The following PPP1R21 variants were observed in gnomAD, a reference collection of about 807,000 sequenced individuals.
PPP1R21 encodes the protein protein phosphatase 1 regulatory subunit 21, also known as KLRAQ motif containing 1.
Under a neutral mutation model 112.8 loss-of-function variants are expected in PPP1R21, and 85 were observed. The observed-to-expected ratio is 0.75, with a 90% confidence interval of 0.63 to 0.90. The LOEUF is 0.90. Among genes scored for constraint, PPP1R21 ranks in the 40% least tolerant of loss-of-function variants. PPP1R21 has a pLI of 0.00. For synonymous variants in PPP1R21, 381 were observed against 322.3 expected (o/e 1.18, Z -1.95); for missense variants, 1,199 against 901.5 (o/e 1.33, Z -4.23).
chr2:48,462,249 A>T (rs1303022875), intron 7 of PPP1R21, among the ~76,000 whole-genome samples: 2 of 152,210 alleles, frequency 1.3e-5, no homozygotes, highest in Admixed American at 6.5e-5. Flanking sequence ...ATATTTAAAG[A>T]TCATTTGCTG....
intron 16 of PPP1R21, among the ~76,000 whole-genome samples, chr2:48,497,397 C>T (rs1669894435): frequency 6.6e-6 from 1 of 152,190 alleles, no homozygotes; most frequent in Non-Finnish European, 1.5e-5. Context: ...AGAAGCCTTC[C>T]TCATGCCCAT....
At chr2:48,508,043 G>T (rs1478835694) in intron 19 of PPP1R21, among the ~76,000 whole-genome samples, 1 of 150,678 alleles carries the variant, frequency 6.6e-6, no homozygotes, top group African/African-American at 2.4e-5. Flanking sequence ...GGGATTACAG[G>T]CATGAGCTAC....
At chr2:48,481,013 C>G (rs2103894984) in intron 13 of PPP1R21, among the ~76,000 whole-genome samples, 1 of 152,188 alleles carries the variant, frequency 6.6e-6, no homozygotes, top group Middle Eastern at 3.4e-3. Context: ...TTCTGAGGTT[C>G]AGTTTCGCTT....
rs191989077 is a variant in PPP1R21 at position 48,477,705 on chromosome 2, G to C, written c.1226-2219G>C. On this transcript the variant is annotated intron_variant, in intron 12 of 21. Transcript: ENST00000294952. ...TTTCAAGATTGTTTTGGTTATTTGA[G>C]GTCCCTTGCAATCCCGTATGAATTT... Among the ~76,000 whole-genome samples, 500 of 150,156 alleles carry C rather than the reference G, an allele frequency of 3.3e-3. 2 individuals carry two copies. The highest frequency in any genetic ancestry group is 0.012 in the African/African-American group (486 of 40,860).
intron 1 of PPP1R21, among the ~76,000 whole-genome samples, chr2:48,447,192 T>G (rs1365468166): frequency 6.6e-6 from 1 of 152,158 alleles, no homozygotes; most frequent in Non-Finnish European, 1.5e-5. Flanking sequence ...CTATGGGCCG[T>G]AGGGAGTCAG....
intron 1 of PPP1R21, among the ~76,000 whole-genome samples, chr2:48,449,690 C>G (rs1370574028): frequency 1.3e-5 from 2 of 151,996 alleles, no homozygotes; most frequent in Admixed American, 6.5e-5. Context: ...TCTGTGTTCT[C>G]AGGAGACAGA....
At chr2:48,456,912 C>A (rs1478968809) in intron 3 of PPP1R21, among the ~76,000 whole-genome samples, 1 of 152,050 alleles carries the variant, frequency 6.6e-6, no homozygotes, top group Admixed American at 6.6e-5. Flanking sequence ...ATTAGCCCAG[C>A]ATGGTGGTAT....
At position 48,503,641 on chromosome 2, in the gene PPP1R21, T is replaced by C. The variant is rs189029225; in HGVS notation, c.1936-1923T>C. ...ATCATATGAGAAAATGTTAAAGTAA[T>C]CTGTGTTAAAGGCTTTCCTTGCATT... On this transcript the variant is annotated intron_variant, in intron 17 of 21. Coordinates refer to ENST00000294952, the MANE Select transcript of PPP1R21 (RefSeq NM_001135629.3). Among the ~76,000 whole-genome samples, 5 of 152,302 alleles carry C rather than the reference T, an allele frequency of 3.3e-5. No homozygotes were observed. The East Asian group carries it at 9.6e-4, about 29-fold the overall frequency.
chr2:48,506,672 G>A lies in PPP1R21; in HGVS notation c.1969-597G>A, dbSNP rs539858883. Among the ~76,000 whole-genome samples, 335 of 152,206 alleles carry A rather than the reference G, an allele frequency of 2.2e-3. 3 individuals carry two copies. Among genetic ancestry groups the A allele is most frequent in the Non-Finnish European group, 3.6e-3 (245 of 68,002 alleles). On this transcript the variant is annotated intron_variant, in intron 18 of 21. Transcript: ENST00000294952. ...TAATTTGTTAGTATGTTGGGTGGGC[G>A]CGGTGGCTCACGCCTGTAATCCCAG...
intron 17 of PPP1R21, among the ~76,000 whole-genome samples, chr2:48,505,226 A>G (rs1670321090): frequency 6.6e-6 from 1 of 152,298 alleles, no homozygotes. Context: ...CTTCTTGGCT[A>G]CTGCTTTGGG....
At chr2:48,453,814 G>C (rs1429625679) in intron 2 of PPP1R21, among the ~76,000 whole-genome samples, 1 of 152,194 alleles carries the variant, frequency 6.6e-6, no homozygotes, top group Non-Finnish European at 1.5e-5. Flanking sequence ...TGATATGTCA[G>C]AATAGTTGAA....
chr2:48,489,127 T>C (rs991236622), intron 14 of PPP1R21, among the ~76,000 whole-genome samples: 25 of 152,238 alleles, frequency 1.6e-4, no homozygotes, highest in African/African-American at 5.1e-4. Flanking sequence ...AGTAGAATAC[T>C]CTGTTTTACA....
intron 11 of PPP1R21, 28 bp from the exon 12 acceptor site, chr2:48,474,655 C>G (rs749603525): frequency 5.0e-6 from 8 of 1,590,554 alleles, no homozygotes; most frequent in Admixed American, 1.8e-5. Context: ...TTGGGATGCT[C>G]ACTTCTTAAA....
intron 1 of PPP1R21, among the ~76,000 whole-genome samples, chr2:48,442,770 A>G (rs1166801590): frequency 1.3e-5 from 2 of 152,184 alleles, no homozygotes; most frequent in Admixed American, 1.3e-4. Context: ...ATTAAGATTA[A>G]TGAGCTTTCA....
chr2:48,492,309 C>T (rs1669602922), intron 15 of PPP1R21, among the ~76,000 whole-genome samples: 1 of 152,154 alleles, frequency 6.6e-6, no homozygotes, highest in African/African-American at 2.4e-5. Flanking sequence ...TTCCTTCCTT[C>T]CTTCACTTTT....
chr2:48,494,992 C>A (rs1669761496), intron 15 of PPP1R21, among the ~76,000 whole-genome samples: 1 of 152,140 alleles, frequency 6.6e-6, no homozygotes, highest in South Asian at 2.1e-4. Flanking sequence ...AGGGGTGAGC[C>A]ACCACTCCCG....
chr2:48,466,622 G>T (rs967388751), intron 9 of PPP1R21, among the ~76,000 whole-genome samples: 7 of 152,154 alleles, frequency 4.6e-5, no homozygotes, highest in Admixed American at 6.5e-5. Flanking sequence ...ACTGTAGGTG[G>T]TAATGTCTGG....
rs1670567937 is a variant in PPP1R21 at position 48,510,081 on chromosome 2, A to T, written c.2152A>T (p.Lys718Ter). 1 of 1,613,970 alleles carries T rather than the reference A, an allele frequency of 6.2e-7. No individual in the cohort carries two copies. Among genetic ancestry groups the T allele is most frequent in the African/African-American group, 1.3e-5 (1 of 74,954 alleles). Residue 718 changes from lysine to a stop codon, truncating the protein, a stop_gained, in exon 20 of 22, where the codon AAA becomes TAA. Coordinates refer to ENST00000294952, the MANE Select transcript of PPP1R21 (RefSeq NM_001135629.3). LOFTEE classifies it high-confidence loss of function. ...KSKEALTEEM[K>*]LASQNISRLQ... ...TAAGGAAGCATTGACAGAAGAAATGAAACTTGCCAGTCAGAACATCAGCAG... is the reference window on the plus strand; with the variant it reads ...TAAGGAAGCATTGACAGAAGAAATGTAACTTGCCAGTCAGAACATCAGCAG...
intron 1 of PPP1R21, among the ~76,000 whole-genome samples, chr2:48,444,128 C>G (rs1232886536): frequency 6.6e-6 from 1 of 151,952 alleles, no homozygotes; most frequent in African/African-American, 2.4e-5. Flanking sequence ...CTGTGGAGGT[C>G]AAAGCAGATG....
Sources: allele counts gnomAD v4.1 joint callset (sites outside exome capture counted in the v4.1 genomes callset), GRCh38; gene constraint gnomAD v4.1.1; transcripts MANE v1.5; gene names NCBI Gene and HGNC (gene_info 2026-07-23, HGNC 2026-07-21).